DOCK3: variants seen among roughly 807,000 people sequenced by gnomAD.
The protein encoded by DOCK3 is dedicator of cytokinesis 3.
A neutral mutation model predicts 265.6 loss-of-function variants in DOCK3; 60 were observed. The ratio of observed to expected loss-of-function variants is 0.23; its 90% CI spans 0.18 to 0.28. The LOEUF (loss-of-function observed/expected upper bound fraction) is 0.28. Among genes scored for constraint, DOCK3 ranks in the 10% least tolerant of loss-of-function variants. The pLI is 1.00. For synonymous variants in DOCK3, 881 were observed against 938.0 expected (o/e 0.94, Z 1.11); for missense variants, 1,981 against 2,594.3 (o/e 0.76, Z 5.14).
chr3:50,753,659 C>A (rs1674425629), intron 1 of DOCK3, among the ~76,000 whole-genome samples: 1 of 152,088 alleles, frequency 6.6e-6, no homozygotes, highest in Non-Finnish European at 1.5e-5. Flanking sequence ...CACCGTGTCT[C>A]ACCCATAGGC....
intron 12 of DOCK3, among the ~76,000 whole-genome samples, chr3:51,177,471 C>G (rs1181188980): frequency 1.3e-5 from 2 of 152,062 alleles, no homozygotes; most frequent in Non-Finnish European, 2.9e-5. Context: ...TAAAGGCAAA[C>G]TATAGGAAAA....
intron 6 of DOCK3, among the ~76,000 whole-genome samples, chr3:51,068,560 A>AAAGAAGAAG (rs1553750774): frequency 4.7e-4 from 39 of 82,454 alleles, no homozygotes; most frequent in African/African-American, 1.7e-3. Flanking sequence ...AAAAAAAAAA[A>AAAGAAGAAG]AAGAAGAAGA....
intron 1 of DOCK3, among the ~76,000 whole-genome samples, chr3:50,684,584 C>CT (rs2034647274): frequency 6.6e-6 from 1 of 152,204 alleles, no homozygotes; most frequent in Non-Finnish European, 1.5e-5. Context: ...ATGAATCCCT[C>CT]TCTCTCACCT....
In DOCK3 at chr3:50,947,937, G is replaced by A. The variant is rs140683490; in HGVS notation, c.315+13860G>A. Among the ~76,000 whole-genome samples the A allele has an allele frequency of 1.5e-3, 227 of 148,488 alleles. 2 individuals are homozygous for A. Among genetic ancestry groups the A allele is most frequent in the African/African-American group, 5.3e-3 (213 of 40,564 alleles). Reference sequence around the variant, plus strand: ...GTGGCGCTATCTAGGCTCACTGCAAGCTCCACCTCCCAGGTTCATGCCATT... The same window carrying A: ...GTGGCGCTATCTAGGCTCACTGCAAACTCCACCTCCCAGGTTCATGCCATT... On this transcript the variant is annotated intron_variant, in intron 5 of 52. Transcript: ENST00000266037.
At chr3:51,010,239 C>A (rs149074752) in intron 5 of DOCK3, among the ~76,000 whole-genome samples, 27 of 152,144 alleles carry the variant, frequency 1.8e-4, no homozygotes, top group African/African-American at 5.5e-4. Flanking sequence ...CCCATTATTA[C>A]TGTGTGGGAG....
chr3:50,968,489 C>A (rs2077098563), intron 5 of DOCK3, among the ~76,000 whole-genome samples: 1 of 152,018 alleles, frequency 6.6e-6, no homozygotes, highest in Admixed American at 6.6e-5. Context: ...ATTGTAGAAT[C>A]CCTCTTGGAA....
At chr3:50,987,925 C>T (rs545878419) in intron 5 of DOCK3, among the ~76,000 whole-genome samples, 4 of 152,314 alleles carry the variant, frequency 2.6e-5, no homozygotes, top group African/African-American at 9.6e-5. Flanking sequence ...CTAAAGCATT[C>T]ATGGAGACCC....
chr3:50,702,651 G>A (rs1186226697), intron 1 of DOCK3, among the ~76,000 whole-genome samples: 1 of 152,062 alleles, frequency 6.6e-6, no homozygotes, highest in Non-Finnish European at 1.5e-5. Context: ...TTACAGATGT[G>A]AGCCACTGTG....
chr3:51,239,459 G>A (rs1406023841), intron 21 of DOCK3, among the ~76,000 whole-genome samples: 1 of 151,838 alleles, frequency 6.6e-6, no homozygotes, highest in African/African-American at 2.4e-5. Context: ...GCCTCCCAAA[G>A]TGCTGGGATT....
chr3:51,333,197 C>T lies in DOCK3; in HGVS notation c.3555C>T (p.Thr1185=), dbSNP rs770829457. The change falls in exon 35 of 53, where the codon ACC becomes ACT. Residue 1185 remains threonine, a synonymous_variant. Transcript: ENST00000266037. ...TTGAACAAGAAACATGGCGCGAGAC[C>T]GGCATTTCCTTTGTGACCTCAGTCA... The part of the protein sequence containing the change: ...EKVEQETWRE[T]GISFVTSVTR... 1.4e-5 allele frequency: 22 copies of T among 1,613,708 alleles called. No homozygotes were observed. Among genetic ancestry groups the T allele is most frequent in the East Asian group, 6.7e-5 (3 of 44,896 alleles).
chr3:51,032,119 C>CGT (rs1199409161), intron 5 of DOCK3, among the ~76,000 whole-genome samples: 17,766 of 148,998 alleles, frequency 0.12, 1,129 homozygotes, highest in African/African-American at 0.13. Flanking sequence ...CCTCCCTCCT[C>CGT]GTGTGTGTGT....
chr3:51,155,295 A>G (rs2085795731), intron 10 of DOCK3, among the ~76,000 whole-genome samples: 1 of 152,138 alleles, frequency 6.6e-6, no homozygotes, highest in Non-Finnish European at 1.5e-5. Flanking sequence ...GGATTTTTTA[A>G]AAAGGTCCGA....
intron 5 of DOCK3, among the ~76,000 whole-genome samples, chr3:51,017,909 T>TCTTTTG (rs1282816692): frequency 1.3e-5 from 2 of 151,894 alleles, no homozygotes; most frequent in Admixed American, 6.6e-5. Flanking sequence ...TTTTTCTTTT[T>TCTTTTG]TTAGACAGAG....
At chr3:51,111,001 T>C (rs887290272) in intron 9 of DOCK3, among the ~76,000 whole-genome samples, 1 of 152,062 alleles carries the variant, frequency 6.6e-6, no homozygotes, top group Admixed American at 6.5e-5. Context: ...ACAAAATCAG[T>C]GTACAAAAAT....
intron 5 of DOCK3, among the ~76,000 whole-genome samples, chr3:51,054,655 C>A (rs1413636423): frequency 1.3e-5 from 2 of 152,152 alleles, no homozygotes; most frequent in Non-Finnish European, 2.9e-5. Context: ...TCCCATTTAT[C>A]TATTGGATTG....
At chr3:51,275,313 G>A in intron 25 of DOCK3, 107 bp downstream of exon 25, 1 of 1,530,456 alleles carries the variant, frequency 6.5e-7, no homozygotes, top group South Asian at 1.2e-5. Flanking sequence ...TTCAGTCACA[G>A]ATGCTTTCAT....
intron 39 of DOCK3, 131 bp from the exon 40 acceptor site, chr3:51,350,157 C>T: frequency 1.3e-6 from 1 of 740,986 alleles, no homozygotes; most frequent in Non-Finnish European, 2.2e-6. Context: ...TGTCTAGAGG[C>T]TCACTTACTT....
chr3:51,310,157 G>T, intron 27 of DOCK3, 75 bp from the exon 28 acceptor site: 1 of 1,132,638 alleles, frequency 8.8e-7, no homozygotes, highest in Non-Finnish European at 1.3e-6. Context: ...TGATCTAGTG[G>T]CGGCCAGGAG....
At chr3:51,328,428 C>T (rs2084294736) in intron 32 of DOCK3, among the ~76,000 whole-genome samples, 1 of 152,164 alleles carries the variant, frequency 6.6e-6, no homozygotes, top group Non-Finnish European at 1.5e-5. Flanking sequence ...CTAGATGCAG[C>T]TCTACCTGAC....
Sources: allele counts gnomAD v4.1 joint callset (sites outside exome capture counted in the v4.1 genomes callset), GRCh38; gene constraint gnomAD v4.1.1; transcripts MANE v1.5; gene names NCBI Gene and HGNC (gene_info 2026-07-23, HGNC 2026-07-21).